The following ROBO1 variants were observed in gnomAD, a reference collection of about 807,000 sequenced individuals.
ROBO1 encodes the protein roundabout homolog 1.
Under a neutral mutation model 195.9 loss-of-function variants are expected in ROBO1, and 149 were observed. The observed-to-expected ratio is 0.76, with a 90% CI of 0.67 to 0.87. The LOEUF (loss-of-function observed/expected upper bound fraction) is 0.87. ROBO1 is among the 40% of genes least tolerant of loss of function. ROBO1 has a pLI of 0.00. For missense variants in ROBO1, 1,933 were observed against 2,068.3 expected (o/e 0.93, Z 1.27); for synonymous variants, 816 against 733.2 (o/e 1.11, Z -1.82).
chr3:79,760,376 G>C (rs559663717), intron 1 of ROBO1, among the ~76,000 whole-genome samples: 10 of 145,870 alleles, frequency 6.9e-5, no homozygotes, highest in African/African-American at 2.5e-4. Flanking sequence ...TGTAATAAAA[G>C]GTAATCAATT....
chr3:79,583,128 T>G (rs1943711630), intron 2 of ROBO1, among the ~76,000 whole-genome samples: 1 of 152,144 alleles, frequency 6.6e-6, no homozygotes, highest in Admixed American at 6.6e-5. Context: ...TATAAAATAC[T>G]TATGGATAGT....
intron 4 of ROBO1, among the ~76,000 whole-genome samples, chr3:78,754,326 G>C (rs1263705679): frequency 6.6e-6 from 1 of 152,148 alleles, no homozygotes; most frequent in African/African-American, 2.4e-5. Flanking sequence ...GTCACACTCA[G>C]GAGTAGCCTG....
chr3:79,291,855 G>T (rs2032272757), intron 2 of ROBO1, among the ~76,000 whole-genome samples: 1 of 152,066 alleles, frequency 6.6e-6, no homozygotes, highest in African/African-American at 2.4e-5. Context: ...GAATCAAGAA[G>T]TTTAATTACT....
chr3:79,600,455 A>G (rs1178252587), intron 1 of ROBO1, among the ~76,000 whole-genome samples: 2 of 152,102 alleles, frequency 1.3e-5, no homozygotes, highest in South Asian at 2.1e-4. Flanking sequence ...CACAGAGAAA[A>G]GGGAGTGAGA....
chr3:78,988,266 C>T (rs548774899), intron 3 of ROBO1, among the ~76,000 whole-genome samples: 2 of 152,030 alleles, frequency 1.3e-5, no homozygotes, highest in Non-Finnish European at 1.5e-5. Flanking sequence ...AACAGAGCTA[C>T]GAACTAAAAG....
At chr3:78,631,565 T>G (rs1225629562) in intron 24 of ROBO1, among the ~76,000 whole-genome samples, 1 of 152,158 alleles carries the variant, frequency 6.6e-6, no homozygotes, top group Non-Finnish European at 1.5e-5. Context: ...ATAGTGATCT[T>G]CCTGCAGCAA....
chr3:79,467,374 T>A (rs1938018535), intron 2 of ROBO1, among the ~76,000 whole-genome samples: 3 of 151,610 alleles, frequency 2.0e-5, no homozygotes, highest in Admixed American at 1.3e-4. Flanking sequence ...AGAAGAGACA[T>A]TCCTGTTTTT....
intron 1 of ROBO1, among the ~76,000 whole-genome samples, chr3:79,600,623 G>A (rs1340753685): frequency 2.7e-5 from 4 of 148,594 alleles, no homozygotes; most frequent in Non-Finnish European, 6.0e-5. Context: ...CCTCTGCTTA[G>A]TTTAAATGAA....
intron 3 of ROBO1, among the ~76,000 whole-genome samples, chr3:79,021,383 C>T (rs930057548): frequency 6.6e-6 from 1 of 152,094 alleles, no homozygotes; most frequent in Admixed American, 6.5e-5. Flanking sequence ...AAATTCAAAT[C>T]CTCATATCAT....
At chr3:78,980,974 T>A (rs1217261037) in intron 3 of ROBO1, among the ~76,000 whole-genome samples, 1 of 152,208 alleles carries the variant, frequency 6.6e-6, no homozygotes, top group African/African-American at 2.4e-5. Context: ...AGTCAGAGGA[T>A]GATGACAGTC....
intron 4 of ROBO1, among the ~76,000 whole-genome samples, chr3:78,826,085 TAA>T (rs2031571020): frequency 6.6e-6 from 1 of 152,186 alleles, no homozygotes; most frequent in African/African-American, 2.4e-5. Flanking sequence ...TGATAAATCT[TAA>T]GTCAGCTGTA....
At chr3:78,932,678 T>C (rs183064155) in intron 4 of ROBO1, among the ~76,000 whole-genome samples, 9 of 152,058 alleles carry the variant, frequency 5.9e-5, no homozygotes, top group South Asian at 2.1e-4. Context: ...TAGCTTTCCA[T>C]AGAAAATAAG....
At chr3:78,791,224 T>C (rs963466947) in intron 4 of ROBO1, among the ~76,000 whole-genome samples, 3 of 152,140 alleles carry the variant, frequency 2.0e-5, no homozygotes, top group East Asian at 3.9e-4. Flanking sequence ...GTTGTTGTCA[T>C]AGGTACACTA....
chr3:79,296,172 C>G (rs2032585141), intron 2 of ROBO1, among the ~76,000 whole-genome samples: 1 of 152,084 alleles, frequency 6.6e-6, no homozygotes, highest in South Asian at 2.1e-4. Context: ...TCCCTCTTAT[C>G]AAACTGTCAA....
chr3:79,247,738 C>A (rs2082650615), intron 2 of ROBO1, among the ~76,000 whole-genome samples: 1 of 152,036 alleles, frequency 6.6e-6, no homozygotes, highest in Non-Finnish European at 1.5e-5. Flanking sequence ...CTTCTCTGAG[C>A]TGTAAGACAT....
intron 1 of ROBO1, among the ~76,000 whole-genome samples, chr3:79,647,450 G>A (rs1454375925): frequency 2.0e-5 from 3 of 152,042 alleles, no homozygotes; most frequent in Non-Finnish European, 2.9e-5. Flanking sequence ...GTAACCATGA[G>A]GTTACTCTGG....
At chr3:78,962,823 C>CAAAAA (rs770515270) in intron 3 of ROBO1, among the ~76,000 whole-genome samples, 801 of 26,168 alleles carry the variant, frequency 0.031, 77 homozygotes, top group African/African-American at 0.072. Flanking sequence ...GACTCCATCT[C>CAAAAA]AAAAAAAAAA....
chr3:79,756,498 C>T (rs1470264608), intron 1 of ROBO1, among the ~76,000 whole-genome samples: 3 of 141,364 alleles, frequency 2.1e-5, no homozygotes, highest in Non-Finnish European at 3.0e-5. Context: ...TGCAGTGAGC[C>T]GAGATGGTGC....
intron 2 of ROBO1, among the ~76,000 whole-genome samples, chr3:79,421,668 C>G (rs956101284): frequency 1.3e-5 from 2 of 152,060 alleles, no homozygotes; most frequent in African/African-American, 4.8e-5. Context: ...TAGTTTCCTG[C>G]TCTGTGAAAT....
Sources: allele counts gnomAD v4.1 joint callset (sites outside exome capture counted in the v4.1 genomes callset), GRCh38; gene constraint gnomAD v4.1.1; transcripts MANE v1.5; gene names NCBI Gene and HGNC (gene_info 2026-07-23, HGNC 2026-07-21).